Variants in TMPRSS15 observed in about 807,000 individuals in gnomAD.
TMPRSS15 encodes the protein enteropeptidase.
In TMPRSS15, 128 loss-of-function variants were observed where a neutral mutation model predicts 125.3. The observed-to-expected ratio is 1.02, with a 90% CI of 0.89 to 1.18. The LOEUF (loss-of-function observed/expected upper bound fraction) is 1.18, where lower values mean the gene tolerates loss of function less well. Among genes scored for constraint, TMPRSS15 ranks in the 50% most tolerant of loss-of-function variants. The probability of loss-of-function intolerance (pLI) is 0.00; values close to 1 mark genes in which losing one functional copy is unlikely to be tolerated. For missense variants in TMPRSS15, 1,283 were observed against 1,212.7 expected, an observed-to-expected ratio of 1.06 and a Z score of -0.86; for synonymous variants, 446 against 423.2, an observed-to-expected ratio of 1.05 and a Z score of -0.66.
chr21:18,311,657 C>T (rs2075102416), intron 18 of TMPRSS15, among the ~76,000 whole-genome samples: 1 of 152,042 alleles, frequency 6.6e-6, no homozygotes. Context: ...ATTAGTACAG[C>T]CACTATTCAG....
chr21:18,393,108 C>T (rs1448401622), intron 3 of TMPRSS15, among the ~76,000 whole-genome samples: 2 of 152,002 alleles, frequency 1.3e-5, no homozygotes, highest in Non-Finnish European at 2.9e-5. Flanking sequence ...AACGCTGTGT[C>T]GAGTTGGGGA....
chr21:18,300,464 C>T (rs1268163897), intron 18 of TMPRSS15, among the ~76,000 whole-genome samples: 1 of 151,980 alleles, frequency 6.6e-6, no homozygotes. Context: ...GACTCAGCCT[C>T]CCGAGTATCT....
At chr21:18,452,430 G>T (rs548275957) in intron 1 of TMPRSS15, among the ~76,000 whole-genome samples, 1 of 152,160 alleles carries the variant, frequency 6.6e-6, no homozygotes, top group African/African-American at 2.4e-5. Flanking sequence ...TTGGGAGGCC[G>T]AGGTGGGCTG....
chr21:18,353,112 T>C, intron 9 of TMPRSS15, 60 bp from the exon 10 acceptor site: 1 of 1,431,282 alleles, frequency 7.0e-7, no homozygotes, highest in South Asian at 1.2e-5. Flanking sequence ...AGTAGTTATA[T>C]TAGATTGTAT....
chr21:18,456,286 A>G (rs970492091), intron 1 of TMPRSS15, among the ~76,000 whole-genome samples: 2 of 152,142 alleles, frequency 1.3e-5, no homozygotes, highest in Admixed American at 6.6e-5. Context: ...ATCCTAAAAT[A>G]GAATGATTGT....
At chr21:18,350,356 G>A (rs763371787) in intron 10 of TMPRSS15, among the ~76,000 whole-genome samples, 1 of 152,072 alleles carries the variant, frequency 6.6e-6, no homozygotes, top group Non-Finnish European at 1.5e-5. Context: ...GCCCACACTG[G>A]TGACTCATTT....
chr21:18,292,690 C>A (rs2074853186), intron 21 of TMPRSS15, among the ~76,000 whole-genome samples: 1 of 152,160 alleles, frequency 6.6e-6, no homozygotes, highest in South Asian at 2.1e-4. Flanking sequence ...TAAGATCTAC[C>A]TATGTGCAAC....
chr21:18,430,732 T>A (rs187617107), intron 1 of TMPRSS15, among the ~76,000 whole-genome samples: 38 of 152,264 alleles, frequency 2.5e-4, no homozygotes, highest in Admixed American at 1.1e-3. Flanking sequence ...CAAGTAATCA[T>A]GAGACACAGG....
chr21:18,349,364 C>A (rs2075540812), intron 10 of TMPRSS15, among the ~76,000 whole-genome samples: 2 of 152,106 alleles, frequency 1.3e-5, no homozygotes, highest in South Asian at 4.1e-4. Flanking sequence ...GATTTAGAAG[C>A]CATTGCTTCA....
chr21:18,455,378 A>G (rs1002173910), intron 1 of TMPRSS15, among the ~76,000 whole-genome samples: 2 of 152,222 alleles, frequency 1.3e-5, no homozygotes, highest in African/African-American at 4.8e-5. Flanking sequence ...ATGAAATGAC[A>G]TAATCATAGT....
At chr21:18,408,505 C>T (rs1161774556), upstream of TMPRSS15, among the ~76,000 whole-genome samples, 1 of 152,140 alleles carries the variant, frequency 6.6e-6, no homozygotes, top group Non-Finnish European at 1.5e-5. Context: ...AGTCAATGAA[C>T]ACTCCTAGGA....
chr21:18,312,262 G>A (rs2146934650), intron 18 of TMPRSS15, among the ~76,000 whole-genome samples: 1 of 151,868 alleles, frequency 6.6e-6, no homozygotes, highest in African/African-American at 2.4e-5. Flanking sequence ...AAGACTTGAT[G>A]GGAAGGTAAA....
At chr21:18,338,679 T>C (rs532056217) in intron 13 of TMPRSS15, among the ~76,000 whole-genome samples, 229 of 151,360 alleles carry the variant, frequency 1.5e-3, no homozygotes, top group Non-Finnish European at 2.7e-3. Context: ...GTCACCAAAA[T>C]AAGAGTATAT....
At chr21:18,328,872 A>G (rs1037180477) in intron 15 of TMPRSS15, among the ~76,000 whole-genome samples, 5 of 152,230 alleles carry the variant, frequency 3.3e-5, no homozygotes. Context: ...GTATCAAAAT[A>G]TCTCATGTAT....
At chr21:18,281,305 A>G (rs1403045532) in intron 21 of TMPRSS15, 84 bp from the exon 22 acceptor site, 1 of 1,122,114 alleles carries the variant, frequency 8.9e-7, no homozygotes, top group Admixed American at 1.7e-5. Flanking sequence ...ACATTTCAGA[A>G]TATGTTTCTA....
chr21:18,460,756 T>C (rs1978536672), intron 1 of TMPRSS15: 1 of 152,214 alleles, frequency 6.6e-6, no homozygotes, highest in Non-Finnish European at 1.5e-5. Context: ...CTCATCCACA[T>C]AATGAAGGAC....
At chr21:18,481,187 C>G (rs901801402) in intron 1 of TMPRSS15, among the ~76,000 whole-genome samples, 2 of 151,562 alleles carry the variant, frequency 1.3e-5, no homozygotes, top group African/African-American at 2.4e-5. Flanking sequence ...AAGTACTATT[C>G]CTAAGAGTCC....
chr21:18,450,191 T>A (rs1331497095), intron 1 of TMPRSS15, among the ~76,000 whole-genome samples: 2 of 152,168 alleles, frequency 1.3e-5, no homozygotes, highest in African/African-American at 2.4e-5. Context: ...GTAAAAATAA[T>A]CTTAACTTCA....
intron 1 of TMPRSS15, among the ~76,000 whole-genome samples, chr21:18,477,016 A>C (rs62213271): frequency 7.9e-5 from 12 of 152,116 alleles, no homozygotes; most frequent in Non-Finnish European, 1.8e-4. Context: ...CTATTACCCT[A>C]TATTTTTCTT....
Sources: allele counts gnomAD v4.1 joint callset (sites outside exome capture counted in the v4.1 genomes callset), GRCh38; gene constraint gnomAD v4.1.1; transcripts MANE v1.5; gene names NCBI Gene and HGNC (gene_info 2026-07-23, HGNC 2026-07-21).